The following NTRK2 variants were observed in gnomAD, a reference collection of about 807,000 sequenced individuals.
NTRK2 encodes the protein neurotrophic receptor tyrosine kinase 2, also known as BDNF/NT-3 growth factors receptor.
Under a neutral mutation model 94.5 loss-of-function variants are expected in NTRK2, and 13 were observed. The observed-to-expected ratio is 0.14, with a 90% confidence interval of 0.09 to 0.22. The LOEUF (loss-of-function observed/expected upper bound fraction) is 0.22, where lower values mean the gene tolerates loss of function less well. Among genes scored for constraint, NTRK2 ranks in the 10% least tolerant of loss-of-function variants. The pLI is 1.00. For synonymous variants in NTRK2, 372 were observed against 407.4 expected (o/e 0.91, Z 1.05); for missense variants, 639 against 1,071.2 (o/e 0.60, Z 5.63).
intron 2 of NTRK2, among the ~76,000 whole-genome samples, chr9:84,701,336 C>T (rs2060706192): frequency 1.3e-5 from 2 of 152,288 alleles, no homozygotes; most frequent in Admixed American, 1.3e-4. Flanking sequence ...CATGGAAGCC[C>T]CAGGCCTGTG....
intron 12 of NTRK2, chr9:84,813,684 C>A (rs2072062880): frequency 1.9e-6 from 2 of 1,066,050 alleles, no homozygotes; most frequent in Admixed American, 5.3e-5. Context: ...TCAACCCATT[C>A]CCTGGTTGGT....
At chr9:84,725,197 C>A (rs550381418) in intron 8 of NTRK2, among the ~76,000 whole-genome samples, 1 of 151,996 alleles carries the variant, frequency 6.6e-6, no homozygotes, top group African/African-American at 2.4e-5. Flanking sequence ...CACGTGTAGA[C>A]CCATGGCCAT....
intron 12 of NTRK2, chr9:84,812,778 A>G (rs199509905): frequency 1.9e-6 from 2 of 1,040,046 alleles, no homozygotes; most frequent in South Asian, 4.6e-5. Context: ...AATAAAAAAA[A>G]AGGAATATTT....
chr9:84,702,359 A>G lies in NTRK2; in HGVS notation c.299A>G (p.Asp100Gly), dbSNP rs890209390. The change falls in exon 4 of 19, where the codon GAT (aspartate) becomes GGT (glycine). Residue 100 changes from aspartate (D) to glycine (G), a missense_variant. Physicochemically the swap from Asp to Gly is moderately conservative, Grantham distance 94 (BLOSUM62 -1). This residue lies in a region of NTRK2 where 206 missense variants were observed against 251.5 expected (regional missense o/e 0.82). Coordinates refer to ENST00000277120, the MANE Select transcript of NTRK2 (RefSeq NM_006180.6). Reference protein sequence around the residue: ...YVGLRNLTIVDSGLKFVAHKA... With the variant: ...YVGLRNLTIVGSGLKFVAHKA... ...ATGTGTTTTCACAGGACAATTGTGG[A>G]TTCTGGATTAAAATTTGTGGCTCAT... 5.6e-6 allele frequency: 9 copies of G among 1,614,130 alleles called. No homozygotes were observed. Among genetic ancestry groups the G allele is most frequent in the Non-Finnish European group, 7.6e-6 (9 of 1,180,004 alleles).
At chr9:84,838,739 A>C (rs762559618) in intron 12 of NTRK2, among the ~76,000 whole-genome samples, 2 of 152,206 alleles carry the variant, frequency 1.3e-5, no homozygotes, top group African/African-American at 4.8e-5. Flanking sequence ...ATAGTTCACT[A>C]TTTTGTGAAG....
chr9:84,913,276 A>T (rs1201382835), intron 14 of NTRK2, among the ~76,000 whole-genome samples: 1 of 152,162 alleles, frequency 6.6e-6, no homozygotes, highest in East Asian at 1.9e-4. Flanking sequence ...CATATATATA[A>T]CTTATTACAG....
At chr9:85,013,395 C>T (rs564680009) in intron 17 of NTRK2, among the ~76,000 whole-genome samples, 39 of 152,170 alleles carry the variant, frequency 2.6e-4, no homozygotes, top group African/African-American at 6.7e-4. Context: ...CTCTGCCTCC[C>T]GGGTTCAAAC....
At chr9:84,701,810 G>A (rs1278291017) in intron 2 of NTRK2, among the ~76,000 whole-genome samples, 8 of 152,220 alleles carry the variant, frequency 5.3e-5, no homozygotes, top group Admixed American at 4.6e-4. Flanking sequence ...CTCACCGTAA[G>A]AGTGGAAACA....
Position 84,877,680 on chromosome 9 carries a change from T to C in NTRK2, c.1633+10249T>C, listed in dbSNP as rs946211890. 14 of 1,063,122 alleles carry C rather than the reference T, an allele frequency of 1.3e-5. No homozygotes were observed. The African/African-American group carries it at 1.8e-4, about 14-fold the overall frequency. 65.9% of individuals were successfully genotyped at this position (1,063,122 alleles called of 1,614,324 possible). A position where few individuals can be genotyped will look rare whatever the true frequency, so the allele number is the denominator to read the frequency against. ...CCTAACTTTATTTCCCTCTCCCACA[T>C]TTCATGCAAGGGAGCGGACCTAACA... On this transcript the variant is annotated intron_variant, in intron 14 of 18. Transcript: ENST00000277120.
At chr9:84,682,217 G>A (rs558333812) in intron 2 of NTRK2, among the ~76,000 whole-genome samples, 1 of 152,270 alleles carries the variant, frequency 6.6e-6, no homozygotes, top group African/African-American at 2.4e-5. Context: ...GGAAAGGTTA[G>A]TGCCTTTAAC....
At chr9:84,991,695 G>A (rs928344029) in intron 17 of NTRK2, among the ~76,000 whole-genome samples, 1 of 152,108 alleles carries the variant, frequency 6.6e-6, no homozygotes, top group Non-Finnish European at 1.5e-5. Context: ...TGGTGATTTC[G>A]GAAGAAGGGA....
At chr9:84,873,157 A>G in intron 14 of NTRK2, 1 of 1,063,518 alleles carries the variant, frequency 9.4e-7, no homozygotes, top group Non-Finnish European at 1.1e-6. Context: ...GGTAGGACTG[A>G]AAAACGGGTA....
intron 12 of NTRK2, among the ~76,000 whole-genome samples, chr9:84,816,817 A>G (rs1419630404): frequency 6.6e-6 from 1 of 151,844 alleles, no homozygotes; most frequent in Admixed American, 6.6e-5. Flanking sequence ...AAAAAGCCCA[A>G]ACTTCAGTGT....
At chr9:84,796,934 G>A (rs1005749180) in intron 12 of NTRK2, among the ~76,000 whole-genome samples, 2 of 151,982 alleles carry the variant, frequency 1.3e-5, no homozygotes, top group South Asian at 4.2e-4. Flanking sequence ...ATGTTTTATT[G>A]GCTTAATTTT....
chr9:84,856,027 G>A (rs2075046586), intron 12 of NTRK2, among the ~76,000 whole-genome samples: 1 of 152,124 alleles, frequency 6.6e-6, no homozygotes, highest in Admixed American at 6.5e-5. Flanking sequence ...AGCCCAGCAG[G>A]GTGGGGAAAA....
intron 2 of NTRK2, among the ~76,000 whole-genome samples, chr9:84,695,641 T>G (rs944971964): frequency 8.5e-5 from 13 of 152,242 alleles, no homozygotes; most frequent in African/African-American, 2.9e-4. Flanking sequence ...TAGCATGTAC[T>G]GTGTTTATGT....
Position 84,824,504 on chromosome 9 carries a change from G to C in NTRK2, c.1397-36536G>C, listed in dbSNP as rs1273318530. On this transcript the variant is annotated intron_variant, in intron 12 of 18. Transcript: ENST00000277120. ...CTTTTCCTCTAGTAATGCATGGAGA[G>C]AGGGTGGCATGGCTATTCAGAGGTG... 2.0e-5 allele frequency among the ~76,000 whole-genome samples: 3 copies of C among 152,360 alleles called. 1 individual carries two copies. The highest frequency in any genetic ancestry group is 6.8e-3 in the Middle Eastern group (2 of 294).
chr9:84,838,325 AAT>A (rs1330147707), intron 12 of NTRK2, among the ~76,000 whole-genome samples: 1 of 152,188 alleles, frequency 6.6e-6, no homozygotes, highest in Non-Finnish European at 1.5e-5. Context: ...GGAAAAAGAA[AAT>A]AGTGTGCAGT....
intron 17 of NTRK2, among the ~76,000 whole-genome samples, chr9:85,006,159 A>T (rs1830933189): frequency 6.6e-6 from 1 of 152,246 alleles, no homozygotes; most frequent in South Asian, 2.1e-4. Flanking sequence ...TAAGAAGTCT[A>T]AAAATACTAT....
Sources: gnomAD v4.1 joint callset for allele counts (sites outside exome capture counted in the v4.1 genomes callset) on GRCh38, gnomAD v4.1.1 for gene constraint, gnomAD v4.1.1 regional missense constraint, MANE v1.5 for transcripts, NCBI Gene and HGNC (gene_info 2026-07-23, HGNC 2026-07-21) for gene names.